Variants in SYBU observed in about 807,000 individuals in gnomAD.
SYBU encodes the protein syntabulin.
A neutral mutation model predicts 35.9 loss-of-function variants in SYBU; 21 were observed. The observed-to-expected ratio is 0.58, with a 90% CI of 0.41 to 0.84. SYBU has a LOEUF of 0.84. SYBU is among the 40% of genes least tolerant of loss of function. The probability of loss-of-function intolerance (pLI) is 0.00; values close to 1 mark genes in which losing one functional copy is unlikely to be tolerated. For missense variants in SYBU, 768 were observed against 848.2 expected (o/e 0.91, Z 1.17); for synonymous variants, 319 against 324.3 (o/e 0.98, Z 0.18).
chr8:109,675,127 C>T (rs1398816498), intron 1 of SYBU, among the ~76,000 whole-genome samples: 1 of 152,106 alleles, frequency 6.6e-6, no homozygotes, highest in East Asian at 1.9e-4. Context: ...ATCTCTGGGA[C>T]ATAGCTAAAG....
chr8:109,645,420 G>T, upstream of SYBU: 1 of 435,846 alleles, frequency 2.3e-6, no homozygotes, highest in Non-Finnish European at 4.6e-6. Flanking sequence ...GCTCCCTCCG[G>T]CTTGGAGAAG....
At chr8:109,630,752 A>G (rs1464537079) in intron 2 of SYBU, among the ~76,000 whole-genome samples, 1 of 152,182 alleles carries the variant, frequency 6.6e-6, no homozygotes, top group African/African-American at 2.4e-5. Context: ...CATTTGAGAC[A>G]CAAATTAAAC....
chr8:109,623,867 T>TA (rs1243183013), intron 2 of SYBU, among the ~76,000 whole-genome samples: 2 of 152,112 alleles, frequency 1.3e-5, no homozygotes, highest in Non-Finnish European at 2.9e-5. Flanking sequence ...TATAAAGAAG[T>TA]AAAGAATAAA....
At chr8:109,668,826 C>T (rs563640327) in intron 1 of SYBU, among the ~76,000 whole-genome samples, 1 of 152,216 alleles carries the variant, frequency 6.6e-6, no homozygotes, top group African/African-American at 2.4e-5. Flanking sequence ...AGCTTAATAA[C>T]TTATAACTTA....
intron 5 of SYBU, 106 bp downstream of exon 5, chr8:109,579,693 A>G: frequency 9.5e-7 from 1 of 1,053,528 alleles, no homozygotes; most frequent in Non-Finnish European, 1.4e-6. Context: ...GTCTTGTAGA[A>G]TCAGGCAAGG....
intron 1 of SYBU, among the ~76,000 whole-genome samples, chr8:109,650,696 G>A (rs1020664783): frequency 6.6e-5 from 10 of 152,180 alleles, no homozygotes; most frequent in African/African-American, 2.2e-4. Context: ...AGAAGAATTT[G>A]TAGGAAAATA....
At chr8:109,649,477 G>A (rs1393921980), upstream of SYBU, among the ~76,000 whole-genome samples, 1 of 152,142 alleles carries the variant, frequency 6.6e-6, no homozygotes, top group African/African-American at 2.4e-5. Context: ...AACATTCACT[G>A]GGCTCAGAAT....
intron 2 of SYBU, among the ~76,000 whole-genome samples, chr8:109,626,842 G>A (rs942458643): frequency 2.0e-5 from 3 of 152,100 alleles, no homozygotes; most frequent in Non-Finnish European, 4.4e-5. Flanking sequence ...CTCCAGCCTG[G>A]GTGTCTGAAT....
At chr8:109,607,594 G>A (rs1204383175) in intron 3 of SYBU, among the ~76,000 whole-genome samples, 5 of 152,178 alleles carry the variant, frequency 3.3e-5, no homozygotes, top group African/African-American at 4.8e-5. Context: ...GGTTGGAAGA[G>A]CATTCTAAAT....
At chr8:109,598,622 T>C (rs1398203854) in intron 3 of SYBU, among the ~76,000 whole-genome samples, 4 of 152,238 alleles carry the variant, frequency 2.6e-5, no homozygotes, top group Non-Finnish European at 5.9e-5. Context: ...ACGTGTTTGG[T>C]ATGTGTGCTG....
chr8:109,618,770 T>A, intron 3 of SYBU, 72 bp downstream of exon 3: 1 of 1,330,020 alleles, frequency 7.5e-7, no homozygotes, highest in African/African-American at 1.4e-5. Flanking sequence ...GATATACAGG[T>A]GTTTAGTTTT....
chr8:109,585,669 A>G (rs2129688665), intron 4 of SYBU: 1 of 165,502 alleles, frequency 6.0e-6, no homozygotes, highest in East Asian at 1.7e-4. Context: ...CAGCTAGAAG[A>G]AAAAAAGGGT....
At chr8:109,675,774 C>T (rs1021457164) in intron 1 of SYBU, among the ~76,000 whole-genome samples, 3 of 152,186 alleles carry the variant, frequency 2.0e-5, no homozygotes, top group Non-Finnish European at 4.4e-5. Flanking sequence ...AGGGACTCCT[C>T]CCTAACTCAT....
In SYBU at chr8:109,586,096, G is replaced by C. The variant is rs1201146051; in HGVS notation, c.494C>G (p.Ser165Trp). 6.2e-7 allele frequency: 1 copy of C among 1,611,812 alleles called. No individual in the cohort carries two copies. The highest frequency in any genetic ancestry group is 1.7e-5 in the Admixed American group (1 of 59,722). The part of the protein sequence containing the change: ...GSISAPEVHM[S>W]TAGSKRSSSS... ...AGAAGACCGCTTGCTTCCCGCAGTC[G>C]ACATATGGACCTCAGGAGCGGAAAT... Residue 165 changes from serine (S) to tryptophan (W), a missense_variant, in exon 4 of 7, where the codon TCG (serine) becomes TGG (tryptophan). Transcript: ENST00000276646.
chr8:109,597,906 T>C (rs895175924), intron 3 of SYBU, among the ~76,000 whole-genome samples: 2 of 152,234 alleles, frequency 1.3e-5, no homozygotes, highest in African/African-American at 4.8e-5. Context: ...GGATAGATTT[T>C]AAACCATCCT....
intron 1 of SYBU, among the ~76,000 whole-genome samples, chr8:109,658,675 C>CT (rs1269495709): frequency 7.5e-6 from 1 of 133,544 alleles, no homozygotes; most frequent in African/African-American, 3.3e-5. Flanking sequence ...ATATTCATGG[C>CT]CGGCATGGTG....
chr8:109,615,919 A>G (rs1156617728), intron 3 of SYBU, among the ~76,000 whole-genome samples: 1 of 151,944 alleles, frequency 6.6e-6, no homozygotes, highest in African/African-American at 2.4e-5. Context: ...AAATAGCATT[A>G]AGAAAAACTG....
chr8:109,653,900 C>T (rs1378153936), intron 1 of SYBU, among the ~76,000 whole-genome samples: 1 of 152,108 alleles, frequency 6.6e-6, no homozygotes, highest in Non-Finnish European at 1.5e-5. Context: ...TTTACCTGAA[C>T]TCTGGATCCC....
At chr8:109,613,071 C>T (rs1178615966) in intron 3 of SYBU, among the ~76,000 whole-genome samples, 1 of 151,652 alleles carries the variant, frequency 6.6e-6, no homozygotes, top group Non-Finnish European at 1.5e-5. Flanking sequence ...TGTCTGCTCA[C>T]TTATATTTTT....
Sources: allele counts gnomAD v4.1 joint callset (sites outside exome capture counted in the v4.1 genomes callset), GRCh38; gene constraint gnomAD v4.1.1; transcripts MANE v1.5; gene names NCBI Gene and HGNC (gene_info 2026-07-23, HGNC 2026-07-21).